KHDRBS2: variants seen among roughly 807,000 people sequenced by gnomAD.
KHDRBS2 encodes the protein KH domain-containing, RNA-binding, signal transduction-associated protein 2.
Under a neutral mutation model 44.3 loss-of-function variants are expected in KHDRBS2, and 26 were observed. The observed-to-expected ratio is 0.59, with a 90% confidence interval of 0.43 to 0.81. KHDRBS2 has a LOEUF of 0.81. Ranked by LOEUF, KHDRBS2 falls within the 40% of genes least tolerant of loss-of-function variation. The probability of loss-of-function intolerance (pLI) is 0.00; values close to 1 mark genes in which losing one functional copy is unlikely to be tolerated. For synonymous variants in KHDRBS2, 194 were observed against 151.1 expected, an observed-to-expected ratio of 1.28 and a Z score of -2.08; for missense variants, 476 against 433.1, an observed-to-expected ratio of 1.10 and a Z score of -0.88.
chr6:62,047,831 T>C (rs763023907), intron 3 of KHDRBS2, 47 bp downstream of exon 3: 25 of 1,235,714 alleles, frequency 2.0e-5, no homozygotes, highest in East Asian at 1.4e-4. Flanking sequence ...TTCAGTGTTA[T>C]AGGTAACCTC....
chr6:61,883,251 A>T (rs1232885348), intron 6 of KHDRBS2, among the ~76,000 whole-genome samples: 1 of 152,026 alleles, frequency 6.6e-6, no homozygotes, highest in Admixed American at 6.6e-5. Flanking sequence ...CTGAGATGGC[A>T]GTTTGTCATT....
chr6:62,119,228 T>C (rs896927431), intron 2 of KHDRBS2, among the ~76,000 whole-genome samples: 1 of 152,184 alleles, frequency 6.6e-6, no homozygotes, highest in African/African-American at 2.4e-5. Context: ...GCAAAATTAA[T>C]GCACTTGATA....
At chr6:61,703,680 T>TA (rs1482986467) in intron 7 of KHDRBS2, among the ~76,000 whole-genome samples, 2 of 151,862 alleles carry the variant, frequency 1.3e-5, no homozygotes, top group Non-Finnish European at 2.9e-5. Context: ...AAGTGCTATT[T>TA]AAAAAACATT....
rs540940905 is a variant in KHDRBS2 at position 61,933,187 on chromosome 6, G to A, written c.484-31816C>T. Among the ~76,000 whole-genome samples the A allele has an allele frequency of 3.9e-5, 6 of 152,270 alleles. No homozygotes were observed. In the South Asian group the frequency reaches 1.2e-3, roughly 32 times the overall value. ...ATGGCTGGAGGAAGAGGAAGAGAGA[G>A]AAGGAAGGTGGTGCTACACACTTTT... On this transcript the variant is annotated intron_variant, in intron 4 of 8. Transcript: ENST00000281156.
At chr6:61,872,526 A>G (rs1360828292) in intron 6 of KHDRBS2, among the ~76,000 whole-genome samples, 1 of 152,172 alleles carries the variant, frequency 6.6e-6, no homozygotes, top group Non-Finnish European at 1.5e-5. Flanking sequence ...GTATTAAAGT[A>G]ACATAAATAT....
the KHDRBS2 span, among the ~76,000 whole-genome samples, chr6:61,573,929 T>TA: frequency 6.6e-6 from 1 of 152,112 alleles, no homozygotes; most frequent in Admixed American, 6.6e-5. Flanking sequence ...GTGCTGGTAT[T>TA]AAAAAAGACA....
At chr6:61,767,559 CTCCT>C (rs1780196396) in intron 6 of KHDRBS2, among the ~76,000 whole-genome samples, 1 of 151,846 alleles carries the variant, frequency 6.6e-6, no homozygotes, top group Non-Finnish European at 1.5e-5. Context: ...CCTATTTTCC[CTCCT>C]TCCTTTGTTT....
chr6:62,092,537 C>A (rs1336608965), intron 2 of KHDRBS2, among the ~76,000 whole-genome samples: 1 of 152,100 alleles, frequency 6.6e-6, no homozygotes, highest in Non-Finnish European at 1.5e-5. Flanking sequence ...CTGGTTTCTG[C>A]CCGTGGGCAA....
chr6:61,755,732 G>A lies in KHDRBS2; in HGVS notation c.811-22968C>T, dbSNP rs1346668720. Among the ~76,000 whole-genome samples the A allele has an allele frequency of 4.0e-5, 6 of 151,172 alleles. No individual in the cohort carries two copies. The South Asian group carries it at 1.0e-3, about 26-fold the overall frequency. ...AGGAAGTAGCTTGAACCTGGGAGGC[G>A]GAGGTTGCAGTGAGCCGAGATAAGG... On this transcript the variant is annotated intron_variant, in intron 6 of 8. Transcript: ENST00000281156.
intron 7 of KHDRBS2, among the ~76,000 whole-genome samples, chr6:61,698,080 C>T (rs1398165020): frequency 1.3e-5 from 2 of 152,306 alleles, no homozygotes; most frequent in East Asian, 3.9e-4. Context: ...CACTGCTCCA[C>T]TGAAACAGCT....
chr6:62,092,896 A>G (rs1455637151), intron 2 of KHDRBS2, among the ~76,000 whole-genome samples: 1 of 152,062 alleles, frequency 6.6e-6, no homozygotes, highest in Non-Finnish European at 1.5e-5. Flanking sequence ...GCTTTCATTG[A>G]GATATTTAGA....
chr6:61,918,000 G>A (rs1453045173), intron 4 of KHDRBS2, among the ~76,000 whole-genome samples: 2 of 151,860 alleles, frequency 1.3e-5, no homozygotes, highest in African/African-American at 2.4e-5. Flanking sequence ...GATCTCCAAA[G>A]AGCCCTAAGT....
chr6:61,898,348 A>C (rs917401404), intron 5 of KHDRBS2, among the ~76,000 whole-genome samples: 13 of 152,004 alleles, frequency 8.6e-5, no homozygotes, highest in Non-Finnish European at 1.6e-4. Context: ...GCACTTACTA[A>C]ATATCCGATA....
At chr6:61,983,244 T>TTTCTTTCTTTCTTTCTTTC (rs1583957473) in intron 3 of KHDRBS2, among the ~76,000 whole-genome samples, 1 of 38,022 alleles carries the variant, frequency 2.6e-5, no homozygotes. Context: ...TTCTTTTTTT[T>TTTCTTTCTTTCTTTCTTTC]TTTTTTTTTT....
At chr6:61,848,483 A>ATG (rs1562293229) in intron 6 of KHDRBS2, among the ~76,000 whole-genome samples, 2 of 49,628 alleles carry the variant, frequency 4.0e-5, no homozygotes, top group East Asian at 4.2e-4. Context: ...ATATATATAT[A>ATG]TATATATGTA....
At chr6:61,640,265 T>A in the KHDRBS2 span, among the ~76,000 whole-genome samples, 1 of 152,146 alleles carries the variant, frequency 6.6e-6, no homozygotes, top group Non-Finnish European at 1.5e-5. Flanking sequence ...GTATACATTA[T>A]ACTATACCTC....
intron 1 of KHDRBS2, among the ~76,000 whole-genome samples, chr6:62,224,356 G>T (rs758853518): frequency 1.7e-4 from 26 of 152,202 alleles, no homozygotes; most frequent in Middle Eastern, 6.8e-3. Context: ...AAACATGTGG[G>T]AGTAATTCAA....
chr6:61,665,438 G>A, the KHDRBS2 span, among the ~76,000 whole-genome samples: 2 of 151,368 alleles, frequency 1.3e-5, no homozygotes, highest in Non-Finnish European at 3.0e-5. Flanking sequence ...TTAACAGGTT[G>A]TTGGCTAATT....
chr6:62,213,359 A>G (rs1455654531), intron 1 of KHDRBS2, among the ~76,000 whole-genome samples: 1 of 152,066 alleles, frequency 6.6e-6, no homozygotes, highest in Non-Finnish European at 1.5e-5. Context: ...GAAAAAAAAA[A>G]TTCTGAGAAT....
Sources: gnomAD v4.1 joint callset for allele counts (sites outside exome capture counted in the v4.1 genomes callset) on GRCh38, gnomAD v4.1.1 for gene constraint, MANE v1.5 for transcripts, NCBI Gene and HGNC (gene_info 2026-07-23, HGNC 2026-07-21) for gene names.